The following AP5Z1 variants were observed in gnomAD, a reference collection of about 807,000 sequenced individuals.
The protein encoded by AP5Z1 is AP-5 complex subunit zeta-1.
Under a neutral mutation model 83.0 loss-of-function variants are expected in AP5Z1, and 106 were observed. The observed-to-expected ratio is 1.28, with a 90% confidence interval of 1.09 to 1.50. The LOEUF is 1.50. Ranked by LOEUF, AP5Z1 falls within the 40% of genes most tolerant of loss-of-function variation. The pLI, the probability that AP5Z1 is intolerant of heterozygous loss-of-function variation, is 0.00. For synonymous variants in AP5Z1, 751 were observed against 514.1 expected (o/e 1.46, Z -6.23); for missense variants, 1,565 against 1,094.2 (o/e 1.43, Z -6.07).
rs73671923 is a variant in AP5Z1, at chr7:4,785,486, C to T, written c.969+34C>T. ...CTGGGGACCAGGGGATGGGAGGCAG[C>T]GACTCGGCCCATTTGATGTGGTCCA... On this transcript the variant is annotated intron_variant, in intron 8 of 16. Coordinates refer to ENST00000649063, the MANE Select transcript of AP5Z1 (RefSeq NM_014855.3). 2,579 of 1,612,744 alleles carry T rather than the reference C, an allele frequency of 1.6e-3. 32 individuals are homozygous for T. In the African/African-American group the frequency reaches 0.03, roughly 19 times the overall value.
chr7:4,781,269 CAG>C lies in AP5Z1; in HGVS notation c.139_140del (p.Arg47AlafsTer50), dbSNP rs1417016778. 4 of 1,613,806 alleles carry C rather than the reference CAG, an allele frequency of 2.5e-6. No individual in the cohort carries two copies. The highest frequency in any genetic ancestry group is 2.5e-6 in the Non-Finnish European group (3 of 1,179,800). On this transcript the variant is annotated frameshift_variant, in exon 2 of 17. Transcript: ENST00000649063. LOFTEE classifies it high-confidence loss of function. ...DLGPDTLDSL[Q>X]RLFLIISATK... ...GGGGCCGGACACCCTCGACTCCCTG[CAG>C]AGGCTCTTCCTCATCATCTCAGCCA...
chr7:4,790,432 C>T (rs1023938747), intron 14 of AP5Z1, 27 bp from the exon 15 acceptor site: 3 of 1,612,676 alleles, frequency 1.9e-6, no homozygotes, highest in Non-Finnish European at 2.5e-6. Flanking sequence ...CTGCACAGAG[C>T]AGGCGTAGAC....
intron 3 of AP5Z1, among the ~76,000 whole-genome samples, chr7:4,782,063 G>GT (rs996503270): frequency 7.9e-5 from 12 of 152,082 alleles, no homozygotes; most frequent in African/African-American, 1.2e-4. Context: ...TTTTTGTTTT[G>GT]TTTTTTAGAA....
chr7:4,775,633 C>T lies in AP5Z1; in HGVS notation c.-83C>T, dbSNP rs1211128969. On this transcript the variant is annotated 5_prime_UTR_variant, in exon 1 of 17. Coordinates refer to ENST00000649063, the MANE Select transcript of AP5Z1 (RefSeq NM_014855.3). ...CCGCTGCGCTCACGTGACGCGGTCC[C>T]GGAAGTTGACCGGGGTGCGGAGCTC... The T allele has an allele frequency of 6.3e-7, 1 of 1,581,956 alleles. No individual in the cohort carries two copies. The highest frequency in any genetic ancestry group is 8.6e-7 in the Non-Finnish European group (1 of 1,167,442).
In AP5Z1 at chr7:4,784,280, A is replaced by G. The variant is rs761636459; in HGVS notation, c.699A>G (p.Thr233=). ...TGCTCTCCAGCGGCCACCGCTTCAC[A>G]GACGACCAGTGGCTGAACGTGCAGG... ...FTVLSSGHRF[T]DDQWLNVQAF... The change falls in exon 6 of 17, where the codon ACA becomes ACG. Residue 233 remains threonine, a synonymous_variant. Transcript: ENST00000649063. The G allele has an allele frequency of 1.9e-6, 3 of 1,602,150 alleles. No homozygotes were observed. The highest frequency in any genetic ancestry group is 3.4e-5 in the Admixed American group (2 of 58,428).
At chr7:4,790,967 TGTG>T in intron 16 of AP5Z1, 80 bp downstream of exon 16, 6 of 1,487,980 alleles carry the variant, frequency 4.0e-6, no homozygotes, top group Non-Finnish European at 5.4e-6. Context: ...ATCCAGGTGT[TGTG>T]AAATGGTCGC....
intron 1 of AP5Z1, 43 bp from the exon 2 acceptor site, chr7:4,781,132 G>C (rs762688828): frequency 6.3e-7 from 1 of 1,589,834 alleles, no homozygotes; most frequent in African/African-American, 1.4e-5. Context: ...TTGGTTCCGA[G>C]CAGCGAGTGC....
chr7:4,788,658 T>A, intron 12 of AP5Z1, 182 bp from the exon 13 acceptor site: 1 of 557,712 alleles, frequency 1.8e-6, no homozygotes, highest in Non-Finnish European at 3.1e-6. Context: ...ATGGCTTTAC[T>A]GTCCCGGGTG....
intron 1 of AP5Z1, 50 bp downstream of exon 1, chr7:4,775,806 G>A: frequency 6.3e-7 from 1 of 1,590,270 alleles, no homozygotes; most frequent in South Asian, 1.1e-5. Context: ...TCTCCCTAGG[G>A]GCACACGGGG....
intron 13 of AP5Z1, among the ~76,000 whole-genome samples, 166 bp from the exon 14 acceptor site, chr7:4,789,666 C>T (rs1247494693): frequency 6.6e-6 from 1 of 152,192 alleles, no homozygotes; most frequent in African/African-American, 2.4e-5. Context: ...TCCCTGTGCC[C>T]GGATGCTGCC....
intron 1 of AP5Z1, among the ~76,000 whole-genome samples, chr7:4,777,070 C>T (rs369456807): frequency 1.4e-4 from 21 of 152,296 alleles, no homozygotes; most frequent in South Asian, 2.1e-4. Context: ...ATCAAAATAA[C>T]CCTTAAGAGT....
intron 14 of AP5Z1, 82 bp from the exon 15 acceptor site, chr7:4,790,377 G>A (rs756914915): frequency 9.9e-5 from 158 of 1,601,584 alleles, no homozygotes; most frequent in Middle Eastern, 4.9e-4. Context: ...GACGCTTCCC[G>A]GGTTTCTCCA....
At chr7:4,783,933 C>A in intron 5 of AP5Z1, 135 bp downstream of exon 5, 2 of 1,047,268 alleles carry the variant, frequency 1.9e-6, no homozygotes, top group Non-Finnish European at 2.7e-6. Context: ...TGCTGCGGGG[C>A]TTGGGTCAGG....
intron 1 of AP5Z1, among the ~76,000 whole-genome samples, chr7:4,777,064 A>G (rs1377581878): frequency 6.6e-6 from 1 of 152,220 alleles, no homozygotes; most frequent in African/African-American, 2.4e-5. Context: ...TCTCTGATCA[A>G]AATAACCCTT....
rs760257560 is a variant in AP5Z1, at chr7:4,786,301, G to C, written c.1184G>C (p.Arg395Thr). The change falls in exon 10 of 17, where the codon AGG (arginine) becomes ACG (threonine). Residue 395 changes from arginine (R) to threonine (T), a missense_variant. Physicochemically the swap from Arg to Thr is moderately conservative, Grantham distance 71. Transcript: ENST00000649063. ...SEAVYQHLFT[R>T]IPVEQFHSPM... is the part of the protein sequence containing the mutation. ...GCCGTCTACCAGCACCTGTTCACCAGGATCCCGGTGGAGCAGTTCCACAGC... is the reference window on the plus strand; with the variant it reads ...GCCGTCTACCAGCACCTGTTCACCACGATCCCGGTGGAGCAGTTCCACAGC... 9 of 1,613,576 alleles carry C rather than the reference G, an allele frequency of 5.6e-6. No homozygotes were observed. In the Admixed American group the frequency reaches 1.3e-4, roughly 24 times the overall value.
intron 1 of AP5Z1, among the ~76,000 whole-genome samples, chr7:4,775,965 G>A (rs1043424176): frequency 2.6e-5 from 4 of 152,192 alleles, no homozygotes; most frequent in African/African-American, 9.7e-5. Flanking sequence ...CCCGGAGGAG[G>A]TGACACTTGA....
Position 4,792,451 on chromosome 7 carries a change from C to T in AP5Z1, c.*1066C>T, listed in dbSNP as rs1161628123. ...CTGAAGGCGACTGCAGGGTCCTGCC[C>T]CTTGCCCAGCCTCAGGACTATGGAG... is the stretch of plus-strand genomic sequence containing the variant. On this transcript the variant is annotated 3_prime_UTR_variant, in exon 17 of 17. Coordinates refer to ENST00000649063, the MANE Select transcript of AP5Z1 (RefSeq NM_014855.3). 1 of 152,338 alleles carries T rather than the reference C, an allele frequency of 6.6e-6. No individual in the cohort carries two copies. The highest frequency in any genetic ancestry group is 2.1e-4 in the South Asian group (1 of 4,824). 9.4% of individuals were successfully genotyped at this position (152,338 alleles called of 1,614,324 possible).
intron 6 of AP5Z1, among the ~76,000 whole-genome samples, 169 bp from the exon 7 acceptor site, chr7:4,784,739 C>T (rs369242225): frequency 1.2e-4 from 19 of 152,298 alleles, no homozygotes; most frequent in Admixed American, 4.6e-4. Context: ...GAAGGGCGGC[C>T]GTGATGGGGA....
At position 4,781,235 on chromosome 7, in the gene AP5Z1, G is replaced by A. The variant is rs764462865; in HGVS notation, c.102G>A (p.Ala34=). 2.2e-5 allele frequency: 35 copies of A among 1,613,594 alleles called. No individual in the cohort carries two copies. In the East Asian group the frequency reaches 4.5e-4, roughly 21 times the overall value. ...FCSRICKLLQ[A]EDLGPDTLDS... The stretch of plus-strand genomic sequence containing the variant: ...CCCGGATCTGTAAACTGCTGCAGGC[G>A]GAGGACTTGGGGCCGGACACCCTCG... Residue 34 remains alanine (A), a synonymous_variant, in exon 2 of 17, where the codon GCG becomes GCA. Coordinates refer to ENST00000649063, the MANE Select transcript of AP5Z1 (RefSeq NM_014855.3).
Sources: allele counts gnomAD v4.1 joint callset (sites outside exome capture counted in the v4.1 genomes callset), GRCh38; gene constraint gnomAD v4.1.1; transcripts MANE v1.5; gene names NCBI Gene and HGNC (gene_info 2026-07-23, HGNC 2026-07-21).